ZNF727: variants seen among roughly 807,000 people sequenced by gnomAD.
The protein encoded by ZNF727 is zinc finger protein 727, also known as putative zinc finger protein 727.
A neutral mutation model predicts 11.5 loss-of-function variants in ZNF727; 11 were observed. The ratio of observed to expected loss-of-function variants is 0.95; its 90% CI spans 0.60 to 1.58. The LOEUF is 1.58. Among genes scored for constraint, ZNF727 ranks in the 40% most tolerant of loss-of-function variants. The probability of loss-of-function intolerance (pLI) is 0.00; values close to 1 mark genes in which losing one functional copy is unlikely to be tolerated. For synonymous variants in ZNF727, 171 were observed against 196.1 expected (o/e 0.87, Z 1.07); for missense variants, 533 against 581.7 (o/e 0.92, Z 0.86).
At chr7:64,046,856 C>T (rs1789515492) in intron 1 of ZNF727, among the ~76,000 whole-genome samples, 1 of 152,160 alleles carries the variant, frequency 6.6e-6, no homozygotes, top group Admixed American at 6.5e-5. Context: ...AGGAAGCAAA[C>T]CAGATTCAGT....
At chr7:64,071,985 C>T (rs1036127515) in intron 3 of ZNF727, among the ~76,000 whole-genome samples, 7 of 151,978 alleles carry the variant, frequency 4.6e-5, no homozygotes, top group Non-Finnish European at 7.4e-5. Flanking sequence ...TTACAATAGC[C>T]TTCAAATGTA....
At chr7:64,055,080 T>C (rs1789661908) in intron 1 of ZNF727, among the ~76,000 whole-genome samples, 1 of 152,140 alleles carries the variant, frequency 6.6e-6, no homozygotes, top group Admixed American at 6.5e-5. Flanking sequence ...AAAAATAATA[T>C]TGTAAAATAT....
chr7:64,065,007 T>C (rs1789840339), intron 1 of ZNF727, among the ~76,000 whole-genome samples: 1 of 152,160 alleles, frequency 6.6e-6, no homozygotes, highest in African/African-American at 2.4e-5. Flanking sequence ...CTAGGTCCTG[T>C]GATCGCTCCC....
At chr7:64,069,083 T>TG (rs1304411415) in intron 2 of ZNF727, 66 bp downstream of exon 2, 2 of 1,374,172 alleles carry the variant, frequency 1.5e-6, no homozygotes, top group Non-Finnish European at 1.9e-6. Context: ...TTTTTTTTTT[T>TG]GAAGTTCTGC....
At chr7:64,071,278 A>G (rs771670753) in intron 3 of ZNF727, among the ~76,000 whole-genome samples, 2 of 152,048 alleles carry the variant, frequency 1.3e-5, no homozygotes, top group Non-Finnish European at 2.9e-5. Flanking sequence ...AACACTTGTT[A>G]TAAATCTTCT....
Position 64,077,902 on chromosome 7 carries a change from A to G in ZNF727, c.853A>G (p.Lys285Glu), listed in dbSNP as rs1179431436. 2 of 1,586,118 alleles carry G rather than the reference A, an allele frequency of 1.3e-6. No homozygotes were observed. The highest frequency in any genetic ancestry group is 1.7e-6 in the Non-Finnish European group (2 of 1,165,612). Residue 285 changes from lysine to glutamate, a missense_variant, in exon 4 of 4, where the codon AAA (lysine) becomes GAA (glutamate). By Grantham distance (56) the Lys-to-Glu change is moderately conservative (BLOSUM62 1). Coordinates refer to ENST00000456806, the MANE Select transcript of ZNF727 (RefSeq NM_001159522.3). ...KRIHTGEKPY[K>E]CKECHKAFRC... ...AATTCATACTGGAGAGAAACCCTAC[A>G]AATGTAAAGAATGTCACAAAGCCTT... is the stretch of plus-strand genomic sequence containing the variant.
chr7:64,056,283 G>GCCA (rs1331578928), intron 1 of ZNF727, among the ~76,000 whole-genome samples: 1 of 152,112 alleles, frequency 6.6e-6, no homozygotes, highest in Non-Finnish European at 1.5e-5. Context: ...TGTTTGATAA[G>GCCA]GCTATGTACG....
At chr7:64,067,645 C>G (rs62461168) in intron 1 of ZNF727, among the ~76,000 whole-genome samples, 12,106 of 152,092 alleles carry the variant, frequency 0.08, 641 homozygotes, top group Non-Finnish European at 0.12. Context: ...GAACAGAAAA[C>G]CAAACACCGC....
intron 3 of ZNF727, among the ~76,000 whole-genome samples, chr7:64,073,886 C>T (rs949680691): frequency 6.6e-6 from 1 of 152,120 alleles, no homozygotes; most frequent in African/African-American, 2.4e-5. Flanking sequence ...CTAGCACATA[C>T]AAACTATAAT....
chr7:64,051,532 A>C (rs1391278448), intron 1 of ZNF727, among the ~76,000 whole-genome samples: 4 of 152,154 alleles, frequency 2.6e-5, no homozygotes, highest in Non-Finnish European at 5.9e-5. Context: ...GTAATAATAA[A>C]ATAATAAAAA....
chr7:64,068,260 C>T (rs1405857747), intron 1 of ZNF727, among the ~76,000 whole-genome samples: 1 of 151,984 alleles, frequency 6.6e-6, no homozygotes, highest in Non-Finnish European at 1.5e-5. Flanking sequence ...AAGATTAAGC[C>T]ACATTTAATC....
intron 1 of ZNF727, among the ~76,000 whole-genome samples, chr7:64,061,085 C>T (rs1292394762): frequency 6.6e-6 from 1 of 152,050 alleles, no homozygotes; most frequent in Non-Finnish European, 1.5e-5. Context: ...TATTTTGTGA[C>T]CTAACATATG....
chr7:64,064,303 A>G, intron 1 of ZNF727, among the ~76,000 whole-genome samples: 1 of 152,116 alleles, frequency 6.6e-6, no homozygotes, highest in East Asian at 1.9e-4. Flanking sequence ...TTCAAGGTCG[A>G]AGGTGATGAA....
At chr7:64,058,483 T>C (rs1789720082) in intron 1 of ZNF727, among the ~76,000 whole-genome samples, 1 of 152,180 alleles carries the variant, frequency 6.6e-6, no homozygotes, top group African/African-American at 2.4e-5. Flanking sequence ...TAGAGGACTT[T>C]AGACTTATCC....
Position 64,078,859 on chromosome 7 carries a change from A to C in ZNF727, c.*310A>C, listed in dbSNP as rs1785737566. 6.6e-6 allele frequency among the ~76,000 whole-genome samples: 1 copy of C among 152,166 alleles called. No individual in the cohort carries two copies. Among genetic ancestry groups the C allele is most frequent in the African/African-American group, 2.4e-5 (1 of 41,434 alleles). ...GTAACAAAGGCTATAGGTGGTTCTGAGACCTTGCTAAACATAAGATAATTC... is the reference window on the plus strand; with the variant it reads ...GTAACAAAGGCTATAGGTGGTTCTGCGACCTTGCTAAACATAAGATAATTC... On this transcript the variant is annotated 3_prime_UTR_variant, in exon 4 of 4. Transcript: ENST00000456806.
At chr7:64,059,064 C>A (rs7458573) in intron 1 of ZNF727, among the ~76,000 whole-genome samples, 3,977 of 151,924 alleles carry the variant, frequency 0.026, 76 homozygotes, top group South Asian at 0.058. Flanking sequence ...CCTGCCTCAA[C>A]CTCTTGAGTA....
intron 1 of ZNF727, among the ~76,000 whole-genome samples, chr7:64,046,427 G>T (rs1301029452): frequency 6.6e-6 from 1 of 152,208 alleles, no homozygotes; most frequent in Admixed American, 6.5e-5. Flanking sequence ...GGGCCTGGTG[G>T]AAAGTGTTTG....
At chr7:64,077,152 A>G (rs1785678960) in intron 3 of ZNF727, 124 bp from the exon 4 acceptor site, 1 of 980,082 alleles carries the variant, frequency 1.0e-6, no homozygotes, top group Non-Finnish European at 1.5e-6. Flanking sequence ...CTATAAAGGA[A>G]GTAGAGCCTG....
At chr7:64,046,188 G>A (rs906858543) in intron 1 of ZNF727, among the ~76,000 whole-genome samples, 1 of 151,992 alleles carries the variant, frequency 6.6e-6, no homozygotes, top group Non-Finnish European at 1.5e-5. Flanking sequence ...GCCTGGTTTT[G>A]TGGTTTTGTT....
Sources: allele counts gnomAD v4.1 joint callset (sites outside exome capture counted in the v4.1 genomes callset), GRCh38; gene constraint gnomAD v4.1.1; transcripts MANE v1.5; gene names NCBI Gene and HGNC (gene_info 2026-07-23, HGNC 2026-07-21).